The following WDHD1 variants were observed in gnomAD, a reference collection of about 807,000 sequenced individuals.
The protein encoded by WDHD1 is WD repeat and HMG-box DNA binding protein 1.
Under a neutral mutation model 135.4 loss-of-function variants are expected in WDHD1, and 111 were observed. The observed-to-expected ratio is 0.82, with a 90% CI of 0.70 to 0.96. The LOEUF is 0.96. Ranked by LOEUF, WDHD1 falls within the 40% of genes least tolerant of loss-of-function variation. The probability of loss-of-function intolerance (pLI) is 0.00; values close to 1 mark genes in which losing one functional copy is unlikely to be tolerated. For synonymous variants in WDHD1, 434 were observed against 439.0 expected (o/e 0.99, Z 0.14); for missense variants, 1,351 against 1,336.3 (o/e 1.01, Z -0.17).
chr14:55,025,378 C>T (rs941959598), intron 2 of WDHD1, among the ~76,000 whole-genome samples: 1 of 151,598 alleles, frequency 6.6e-6, no homozygotes, highest in African/African-American at 2.4e-5. Flanking sequence ...ATATGCTGAA[C>T]GCTGGTTCCC....
In WDHD1 at chr14:54,991,202, C is replaced by G; in HGVS notation, c.1341+11G>C. The G allele has an allele frequency of 6.7e-7, 1 of 1,487,074 alleles. No homozygotes were observed. The highest frequency in any genetic ancestry group is 9.4e-7 in the Non-Finnish European group (1 of 1,068,472). 92.1% of individuals were successfully genotyped at this position (1,487,074 alleles called of 1,614,324 possible). ...ACCTACTAAGAAGTTAAGTGTAGATCCAAGTCTTACCATGAATCTGTGAGT... is the reference window on the plus strand; with the variant it reads ...ACCTACTAAGAAGTTAAGTGTAGATGCAAGTCTTACCATGAATCTGTGAGT... On this transcript the variant is annotated intron_variant, in intron 12 of 25. Transcript: ENST00000360586.
intron 16 of WDHD1, 50 bp downstream of exon 16, chr14:54,981,490 C>G: frequency 6.4e-7 from 1 of 1,563,556 alleles, no homozygotes. Flanking sequence ...AAAAGAATTT[C>G]AACATACTTT....
intron 3 of WDHD1, 32 bp from the exon 4 acceptor site, chr14:55,010,492 C>T (rs1263181215): frequency 3.4e-6 from 5 of 1,491,774 alleles, no homozygotes; most frequent in Non-Finnish European, 4.5e-6. Context: ...GAAACATTAG[C>T]AAAACAAATC....
intron 11 of WDHD1, among the ~76,000 whole-genome samples, chr14:54,992,022 G>A (rs1181801442): frequency 6.6e-6 from 1 of 152,192 alleles, no homozygotes; most frequent in African/African-American, 2.4e-5. Flanking sequence ...GCAAGGCCGA[G>A]GCAGGCAGAT....
intron 16 of WDHD1, among the ~76,000 whole-genome samples, chr14:54,971,216 C>G (rs960734579): frequency 2.0e-5 from 3 of 152,116 alleles, no homozygotes; most frequent in African/African-American, 7.2e-5. Context: ...GCAATTGCAA[C>G]AAAAACAAAA....
At chr14:55,005,163 A>G in intron 7 of WDHD1, 1 of 540,024 alleles carries the variant, frequency 1.9e-6, no homozygotes, top group Admixed American at 1.9e-5. Context: ...ATCGGCATCC[A>G]CCACATCAAT....
chr14:54,951,043 C>A (rs1460684329), intron 24 of WDHD1, among the ~76,000 whole-genome samples: 1 of 151,988 alleles, frequency 6.6e-6, no homozygotes, highest in Non-Finnish European at 1.5e-5. Context: ...CAAGAGAAAG[C>A]AGAAAATATC....
intron 16 of WDHD1, among the ~76,000 whole-genome samples, chr14:54,967,774 C>T (rs1054771569): frequency 1.3e-5 from 2 of 152,136 alleles, no homozygotes; most frequent in East Asian, 3.9e-4. Flanking sequence ...ATATATGCCA[C>T]CATGCCTGGC....
At chr14:55,025,408 C>T (rs1050281826) in intron 2 of WDHD1, among the ~76,000 whole-genome samples, 4 of 145,706 alleles carry the variant, frequency 2.7e-5, no homozygotes, top group African/African-American at 1.1e-4. Context: ...TTATTTCTTT[C>T]TCTATACTTA....
chr14:54,967,224 G>A (rs1409444820), intron 17 of WDHD1, 56 bp downstream of exon 17: 4 of 1,301,616 alleles, frequency 3.1e-6, no homozygotes, highest in East Asian at 4.8e-5. Context: ...TAAAGTGTGT[G>A]TATCACAGGT....
At chr14:55,023,225 G>A (rs2042378590) in intron 2 of WDHD1, among the ~76,000 whole-genome samples, 1 of 152,164 alleles carries the variant, frequency 6.6e-6, no homozygotes, top group South Asian at 2.1e-4. Context: ...TAAGTTGTCA[G>A]ATAATGACTT....
intron 16 of WDHD1, among the ~76,000 whole-genome samples, chr14:54,971,686 C>T (rs567320126): frequency 7.9e-6 from 1 of 127,322 alleles, no homozygotes; most frequent in South Asian, 2.5e-4. Flanking sequence ...GCACTGTAGC[C>T]TGGGTGACAG....
At chr14:54,951,343 A>T (rs1209602625) in intron 24 of WDHD1, among the ~76,000 whole-genome samples, 1 of 152,114 alleles carries the variant, frequency 6.6e-6, no homozygotes, top group East Asian at 1.9e-4. Flanking sequence ...AGAAATACAA[A>T]CTACCATCAA....
chr14:54,948,426 T>A (rs1037968562), intron 24 of WDHD1, among the ~76,000 whole-genome samples: 1 of 152,008 alleles, frequency 6.6e-6, no homozygotes, highest in Non-Finnish European at 1.5e-5. Context: ...GCTCAGAGGG[T>A]CCCATGCCCA....
intron 7 of WDHD1, 123 bp from the exon 8 acceptor site, chr14:55,002,308 TTC>T: frequency 8.5e-6 from 6 of 709,630 alleles, no homozygotes; most frequent in Non-Finnish European, 1.4e-5. Flanking sequence ...TTTTTATTGT[TTC>T]TGTTTTTAAG....
rs182890124 is a variant in WDHD1, at chr14:54,950,950, G to A, written c.3050+4611C>T. ...AATAAAGATGTTCTTTGAAACCAAC[G>A]AGAACAAAGACACAGCATACCAGAA... On this transcript the variant is annotated intron_variant, in intron 24 of 25. Coordinates refer to ENST00000360586, the MANE Select transcript of WDHD1 (RefSeq NM_007086.4). Among the ~76,000 whole-genome samples, 525 of 152,194 alleles carry A rather than the reference G, an allele frequency of 3.4e-3. 1 individual carries two copies. Among genetic ancestry groups the A allele is most frequent in the Middle Eastern group, 0.017 (5 of 294 alleles).
intron 2 of WDHD1, among the ~76,000 whole-genome samples, chr14:55,014,399 T>C (rs2042226216): frequency 1.3e-5 from 2 of 152,202 alleles, no homozygotes; most frequent in African/African-American, 4.8e-5. Flanking sequence ...CAGCATAAAA[T>C]TATTTATTTG....
chr14:54,983,112 T>C (rs1413276621), intron 15 of WDHD1, among the ~76,000 whole-genome samples: 1 of 152,134 alleles, frequency 6.6e-6, no homozygotes, highest in East Asian at 1.9e-4. Flanking sequence ...TGTAGTGATC[T>C]GAGGTCACAT....
Position 54,995,605 on chromosome 14 carries a change from A to G in WDHD1, c.1151T>C (p.Val384Ala), listed in dbSNP as rs1295849759. 6.3e-7 allele frequency: 1 copy of G among 1,586,846 alleles called. No individual in the cohort carries two copies. Among genetic ancestry groups the G allele is most frequent in the Non-Finnish European group, 8.6e-7 (1 of 1,168,450 alleles). Residue 384 changes from valine to alanine, a missense_variant and splice_region_variant, in exon 11 of 26, where the codon GTT becomes GCT. Val to Ala is a moderately conservative substitution (Grantham distance 64). Transcript: ENST00000360586. ...CATGCACAAAGTCAAATTCTTACCA[A>G]CTGAGTTTTCATCATCTTCTAGGAT... ...SHILEDDENSVDISMLKTGSS... is the reference protein window; with the variant it reads ...SHILEDDENSADISMLKTGSS...
Sources: allele counts gnomAD v4.1 joint callset (sites outside exome capture counted in the v4.1 genomes callset), GRCh38; gene constraint gnomAD v4.1.1; transcripts MANE v1.5; gene names NCBI Gene and HGNC (gene_info 2026-07-23, HGNC 2026-07-21).